Variants in USP34 observed in about 807,000 individuals in gnomAD.
USP34 encodes the protein ubiquitin carboxyl-terminal hydrolase 34.
USP34 carries 70 observed loss-of-function variants against 460.3 expected under a neutral mutation model. The ratio of observed to expected loss-of-function variants is 0.15; its 90% CI spans 0.13 to 0.19. The LOEUF (loss-of-function observed/expected upper bound fraction) is 0.19. Among genes scored for constraint, USP34 ranks in the 10% least tolerant of loss-of-function variants. USP34 has a pLI of 1.00. For synonymous variants in USP34, 1,647 were observed against 1,405.3 expected (o/e 1.17, Z -3.85); for missense variants, 3,985 against 4,236.2 (o/e 0.94, Z 1.65).
chr2:61,318,362 TATGA>T (rs1413305302), intron 22 of USP34, among the ~76,000 whole-genome samples: 3 of 152,050 alleles, frequency 2.0e-5, no homozygotes, highest in Non-Finnish European at 4.4e-5. Context: ...TAAACAAACT[TATGA>T]GAGGTATAGC....
chr2:61,421,031 G>T (rs1374548616), intron 1 of USP34, among the ~76,000 whole-genome samples, 198 bp from the exon 2 acceptor site: 1 of 152,046 alleles, frequency 6.6e-6, no homozygotes. Flanking sequence ...AAGGGGTGGG[G>T]GGGGCAGTGA....
At chr2:61,335,956 T>C (rs1572944946) in intron 18 of USP34, among the ~76,000 whole-genome samples, 1 of 152,210 alleles carries the variant, frequency 6.6e-6, no homozygotes, top group East Asian at 1.9e-4. Flanking sequence ...ACATTCACTG[T>C]TGGTCTTCAC....
chr2:61,357,771 C>T (rs543897058), intron 10 of USP34, among the ~76,000 whole-genome samples: 18 of 152,280 alleles, frequency 1.2e-4, no homozygotes, highest in African/African-American at 3.8e-4. Context: ...GGAGTGGTGG[C>T]ACAAGCCTGT....
chr2:61,277,778 C>T (rs2103949184), intron 41 of USP34: 2 of 165,680 alleles, frequency 1.2e-5, no homozygotes, highest in South Asian at 3.7e-4. Flanking sequence ...CTATAATTCC[C>T]ATTGTTGTGG....
intron 21 of USP34, among the ~76,000 whole-genome samples, chr2:61,319,896 G>A (rs777859843): frequency 2.5e-4 from 38 of 152,088 alleles, no homozygotes; most frequent in Non-Finnish European, 4.3e-4. Flanking sequence ...TTAACACTTT[G>A]AATATTAAAC....
chr2:61,215,253 T>C (rs1050528322), intron 67 of USP34, among the ~76,000 whole-genome samples: 7 of 152,148 alleles, frequency 4.6e-5, no homozygotes, highest in African/African-American at 1.7e-4. Context: ...CTTTGGAAAA[T>C]CTTTAAAAGT....
At chr2:61,292,489 G>T (rs1315027122) in intron 33 of USP34, among the ~76,000 whole-genome samples, 1 of 152,072 alleles carries the variant, frequency 6.6e-6, no homozygotes, top group Non-Finnish European at 1.5e-5. Flanking sequence ...TAGTACGGGG[G>T]TGTCCAATCT....
intron 8 of USP34, among the ~76,000 whole-genome samples, chr2:61,373,775 T>C (rs998186965): frequency 1.2e-4 from 18 of 152,190 alleles, no homozygotes; most frequent in Admixed American, 6.5e-5. Context: ...ACAGGAAATA[T>C]GTACATAATA....
intron 48 of USP34, among the ~76,000 whole-genome samples, chr2:61,254,614 A>G (rs1264198742): frequency 1.3e-5 from 2 of 152,214 alleles, no homozygotes; most frequent in African/African-American, 4.8e-5. Context: ...ATAAAATTAA[A>G]ATGTTTACTC....
At chr2:61,398,124 A>T (rs1164912419) in intron 3 of USP34, among the ~76,000 whole-genome samples, 1 of 152,044 alleles carries the variant, frequency 6.6e-6, no homozygotes, top group Non-Finnish European at 1.5e-5. Flanking sequence ...CTATAATCCC[A>T]GCACTGTGGG....
intron 57 of USP34, among the ~76,000 whole-genome samples, chr2:61,233,471 C>A (rs1412191532): frequency 6.6e-6 from 1 of 152,094 alleles, no homozygotes; most frequent in Non-Finnish European, 1.5e-5. Flanking sequence ...AACCAATCAA[C>A]TGAAAATTTT....
Position 61,437,313 on chromosome 2 carries a change from C to A in USP34, c.44-16480G>T, listed in dbSNP as rs529295657. 1.0e-3 allele frequency among the ~76,000 whole-genome samples: 157 copies of A among 152,004 alleles called. 1 individual carries two copies. In the South Asian group the frequency reaches 0.031, roughly 30 times the overall value. On this transcript the variant is annotated intron_variant, in intron 1 of 79. Coordinates refer to ENST00000398571, the MANE Select transcript of USP34 (RefSeq NM_014709.4). ...GACTAAGGAAAAAAGAGACAAGACCCAAATAAAAGAAATCAGAAACAAAAA... is the reference window on the plus strand; with the variant it reads ...GACTAAGGAAAAAAGAGACAAGACCAAAATAAAAGAAATCAGAAACAAAAA...
chr2:61,348,009 G>T lies in USP34; in HGVS notation c.2146C>A (p.Gln716Lys). Residue 716 changes from glutamine (Q) to lysine (K), a missense_variant, in exon 15 of 80, where the codon CAA becomes AAA. This residue lies in a region of USP34 where 716 missense variants were observed against 626.2 expected (regional missense o/e 1.14). Transcript: ENST00000398571. The part of the protein sequence containing the change: ...SGEMNATHIA[Q>K]GSQESCITRT... ...GTGATACAAGACTCCTGAGACCCTTGTGCTATATGAGTAGCATTCATTTCC... is the reference window on the plus strand; with the variant it reads ...GTGATACAAGACTCCTGAGACCCTTTTGCTATATGAGTAGCATTCATTTCC... 6.2e-7 allele frequency: 1 copy of T among 1,614,100 alleles called. No individual in the cohort carries two copies. The highest frequency in any genetic ancestry group is 8.5e-7 in the Non-Finnish European group (1 of 1,180,008).
chr2:61,463,617 T>C (rs1480099119), intron 1 of USP34, among the ~76,000 whole-genome samples: 1 of 152,078 alleles, frequency 6.6e-6, no homozygotes, highest in Non-Finnish European at 1.5e-5. Flanking sequence ...GCGGATTACC[T>C]GGGGTCAGGA....
intron 1 of USP34, among the ~76,000 whole-genome samples, chr2:61,425,576 G>C (rs1694487493): frequency 6.6e-6 from 1 of 152,112 alleles, no homozygotes; most frequent in Non-Finnish European, 1.5e-5. Flanking sequence ...CTAAAGCGGA[G>C]GGCAACTGCC....
At chr2:61,414,426 T>A (rs555069973) in intron 2 of USP34, among the ~76,000 whole-genome samples, 1 of 152,186 alleles carries the variant, frequency 6.6e-6, no homozygotes, top group Non-Finnish European at 1.5e-5. Flanking sequence ...TATCAATAAG[T>A]ATAAGGGTAG....
chr2:61,192,811 C>G, intron 76 of USP34, 90 bp downstream of exon 76: 1 of 1,028,810 alleles, frequency 9.7e-7, no homozygotes, highest in Non-Finnish European at 1.4e-6. Context: ...CCCCACTTTT[C>G]AGCAAGTCTT....
At chr2:61,423,825 C>T (rs538099876) in intron 1 of USP34, among the ~76,000 whole-genome samples, 238 of 152,228 alleles carry the variant, frequency 1.6e-3, no homozygotes, top group African/African-American at 5.5e-3. Context: ...GTGGCACATG[C>T]CTATAGTTCT....
At chr2:61,444,309 G>A (rs150500521) in intron 1 of USP34, among the ~76,000 whole-genome samples, 1 of 152,026 alleles carries the variant, frequency 6.6e-6, no homozygotes, top group East Asian at 1.9e-4. Context: ...TACAATAACA[G>A]AAATTAAAAT....
Sources: gnomAD v4.1 joint callset for allele counts (sites outside exome capture counted in the v4.1 genomes callset) on GRCh38, gnomAD v4.1.1 for gene constraint, gnomAD v4.1.1 regional missense constraint, MANE v1.5 for transcripts, NCBI Gene and HGNC (gene_info 2026-07-23, HGNC 2026-07-21) for gene names.